VPS13A: variants seen among roughly 807,000 people sequenced by gnomAD.
VPS13A encodes the protein intermembrane lipid transfer protein VPS13A.
In VPS13A, 264 loss-of-function variants were observed where a neutral mutation model predicts 390.9. That is an observed-to-expected ratio of 0.68 (90% confidence interval 0.61 to 0.75). VPS13A has a LOEUF of 0.75. Ranked by LOEUF, VPS13A falls within the 30% of genes least tolerant of loss-of-function variation. The pLI is 0.00. For missense variants in VPS13A, 3,409 were observed against 3,733.9 expected, an observed-to-expected ratio of 0.91 and a Z score of 2.27; for synonymous variants, 1,231 against 1,227.1, an observed-to-expected ratio of 1.00 and a Z score of -0.07.
chr9:77,229,825 C>T (rs910081467), intron 17 of VPS13A, among the ~76,000 whole-genome samples: 4 of 152,130 alleles, frequency 2.6e-5, no homozygotes, highest in Admixed American at 6.6e-5. Context: ...TACTATTTAA[C>T]CTTTTGAGGA....
intron 69 of VPS13A, 78 bp downstream of exon 69, chr9:77,403,399 C>A: frequency 8.4e-7 from 1 of 1,197,376 alleles, no homozygotes. Context: ...ATTTGTTATT[C>A]ACCTTTTGTT....
At chr9:77,239,830 C>G (rs1161567196) in intron 19 of VPS13A, among the ~76,000 whole-genome samples, 2 of 151,804 alleles carry the variant, frequency 1.3e-5, no homozygotes, top group East Asian at 1.9e-4. Context: ...TTCCCCCTTC[C>G]CTACAATCTA....
chr9:77,362,255 G>T (rs148352090), intron 59 of VPS13A, among the ~76,000 whole-genome samples: 1 of 151,958 alleles, frequency 6.6e-6, no homozygotes, highest in Non-Finnish European at 1.5e-5. Flanking sequence ...AATATCTTAC[G>T]TTTTACGAAT....
At chr9:77,183,360 C>T (rs1034691660) in intron 1 of VPS13A, among the ~76,000 whole-genome samples, 25 of 152,096 alleles carry the variant, frequency 1.6e-4, no homozygotes, top group Admixed American at 1.5e-3. Flanking sequence ...TTTTGTAAAC[C>T]GTATCTTCTA....
At chr9:77,271,962 G>A (rs941175097) in intron 23 of VPS13A, among the ~76,000 whole-genome samples, 1 of 152,082 alleles carries the variant, frequency 6.6e-6, no homozygotes, top group Non-Finnish European at 1.5e-5. Context: ...CTGGACCTGG[G>A]TGGTTGGTAG....
At chr9:77,401,658 C>G (rs910794516) in intron 68 of VPS13A, among the ~76,000 whole-genome samples, 1 of 152,132 alleles carries the variant, frequency 6.6e-6, no homozygotes, top group African/African-American at 2.4e-5. Flanking sequence ...AATTTCTACT[C>G]ATGATGCTTC....
chr9:77,403,950 A>C (rs573878205), intron 69 of VPS13A, among the ~76,000 whole-genome samples: 1 of 152,308 alleles, frequency 6.6e-6, no homozygotes, highest in Admixed American at 6.5e-5. Context: ...ATGAATTGTC[A>C]ATCTATGGTT....
chr9:77,381,516 A>G (rs1224576980), intron 67 of VPS13A, among the ~76,000 whole-genome samples: 1 of 152,144 alleles, frequency 6.6e-6, no homozygotes, highest in Non-Finnish European at 1.5e-5. Context: ...ATTTTCAAAA[A>G]CAGTAACAAA....
chr9:77,295,210 C>T (rs535750640), intron 32 of VPS13A, among the ~76,000 whole-genome samples: 21 of 151,900 alleles, frequency 1.4e-4, no homozygotes, highest in African/African-American at 3.9e-4. Flanking sequence ...TATAAATAAG[C>T]TCTCTGTCCA....
In VPS13A at chr9:77,215,196, A is replaced by G. The variant is rs545852060; in HGVS notation, c.754+810A>G. Among the ~76,000 whole-genome samples, 65 of 152,332 alleles carry G rather than the reference A, an allele frequency of 4.3e-4. 1 individual carries two copies. The highest frequency in any genetic ancestry group is 4.1e-4 in the South Asian group (2 of 4,826). On this transcript the variant is annotated intron_variant, in intron 10 of 71. Transcript: ENST00000360280. ...TTCTATGATAAGGGCACTTAATAAA[A>G]GTTGGTGATGGATAACTTAATTATT...
At chr9:77,292,869 G>A (rs1372697495) in intron 31 of VPS13A, among the ~76,000 whole-genome samples, 1 of 152,134 alleles carries the variant, frequency 6.6e-6, no homozygotes, top group Non-Finnish European at 1.5e-5. Flanking sequence ...ATAAGGAACA[G>A]AAGTATAGCA....
At chr9:77,190,951 A>C (rs1221922340) in intron 1 of VPS13A, among the ~76,000 whole-genome samples, 1 of 147,844 alleles carries the variant, frequency 6.8e-6, no homozygotes, top group Non-Finnish European at 1.5e-5. Flanking sequence ...GTTTATTTGG[A>C]TCTCCTCTCT....
intron 69 of VPS13A, 148 bp downstream of exon 69, chr9:77,403,469 T>G (rs1180444324): frequency 4.2e-6 from 3 of 708,176 alleles, no homozygotes; most frequent in Non-Finnish European, 7.5e-6. Context: ...CGCTAAACAT[T>G]ACATAAATTT....
At chr9:77,221,055 G>A (rs1823181725) in intron 12 of VPS13A, 130 bp from the exon 13 acceptor site, 1 of 862,898 alleles carries the variant, frequency 1.2e-6, no homozygotes, top group African/African-American at 1.7e-5. Context: ...TAAAAAGGAA[G>A]TACTCAGATA....
intron 17 of VPS13A, among the ~76,000 whole-genome samples, chr9:77,231,400 C>T (rs992602238): frequency 4.6e-5 from 7 of 152,020 alleles, no homozygotes; most frequent in Admixed American, 2.6e-4. Flanking sequence ...CAGCAATGTA[C>T]GTGGATTCAT....
chr9:77,202,256 C>T (rs939219458), intron 3 of VPS13A, among the ~76,000 whole-genome samples: 5 of 152,102 alleles, frequency 3.3e-5, no homozygotes, highest in African/African-American at 1.2e-4. Context: ...CTATCCTCCC[C>T]ACTCCTACCT....
At chr9:77,298,209 C>G (rs979710856) in intron 33 of VPS13A, among the ~76,000 whole-genome samples, 15 of 152,078 alleles carry the variant, frequency 9.9e-5, no homozygotes, top group African/African-American at 2.9e-4. Flanking sequence ...TGAAAGAAAT[C>G]CAGAAGGCAG....
At chr9:77,220,117 ATTG>A in intron 11 of VPS13A, 36 bp downstream of exon 11, 1 of 1,579,820 alleles carries the variant, frequency 6.3e-7, no homozygotes, top group Non-Finnish European at 8.7e-7. Flanking sequence ...ATTGTGAATT[ATTG>A]TTTGATAAAA....
At chr9:77,178,584 C>G (rs1314138564) in intron 1 of VPS13A, among the ~76,000 whole-genome samples, 2 of 152,164 alleles carry the variant, frequency 1.3e-5, no homozygotes, top group Non-Finnish European at 2.9e-5. Context: ...ACGTCTCAGA[C>G]CTGCAAAAGA....
Sources: allele counts gnomAD v4.1 joint callset (sites outside exome capture counted in the v4.1 genomes callset), GRCh38; gene constraint gnomAD v4.1.1; transcripts MANE v1.5; gene names NCBI Gene and HGNC (gene_info 2026-07-23, HGNC 2026-07-21).